RAMP3: variants seen among roughly 807,000 people sequenced by gnomAD.
RAMP3 encodes receptor activity modifying protein 3.
RAMP3 carries 14 observed loss-of-function variants against 13.5 expected under a neutral mutation model. That is an observed-to-expected ratio of 1.04 (90% confidence interval 0.69 to 1.63). RAMP3 has a LOEUF of 1.63. Ranked by LOEUF, RAMP3 falls within the 40% of genes most tolerant of loss-of-function variation. RAMP3 has a pLI of 0.00. For synonymous variants in RAMP3, 106 were observed against 88.3 expected (o/e 1.20, Z -1.12); for missense variants, 200 against 204.8 (o/e 0.98, Z 0.14).
chr7:45,179,939 C>A (rs1294933), intron 2 of RAMP3, among the ~76,000 whole-genome samples: 1 of 152,024 alleles, frequency 6.6e-6, no homozygotes, highest in Non-Finnish European at 1.5e-5. Flanking sequence ...GCTCCCCCAC[C>A]GCAGCCCTGG....
At chr7:45,163,792 C>T in intron 1 of RAMP3, 1 of 985,416 alleles carries the variant, frequency 1.0e-6, no homozygotes, top group Non-Finnish European at 1.2e-6. Flanking sequence ...TCTTCTGGCT[C>T]CGTGCCAGTG....
chr7:45,180,204 G>C (rs1786277181), intron 2 of RAMP3, among the ~76,000 whole-genome samples: 1 of 152,264 alleles, frequency 6.6e-6, no homozygotes, highest in South Asian at 2.1e-4. Context: ...GGAAGCCCCA[G>C]GGAGGGCGGT....
intron 2 of RAMP3, among the ~76,000 whole-genome samples, chr7:45,180,821 T>C (rs73115775): frequency 6.6e-6 from 1 of 152,196 alleles, no homozygotes; most frequent in Non-Finnish European, 1.5e-5. Flanking sequence ...GTGGTGCATC[T>C]TTTTTAGGGA....
intron 1 of RAMP3, among the ~76,000 whole-genome samples, chr7:45,160,237 C>T (rs1785837743): frequency 7.0e-6 from 1 of 142,674 alleles, no homozygotes. Context: ...GAGGCTGAGG[C>T]AGAGGAATCG....
intron 1 of RAMP3, among the ~76,000 whole-genome samples, chr7:45,165,022 T>A (rs1263931315): frequency 1.3e-5 from 2 of 152,226 alleles, no homozygotes; most frequent in African/African-American, 4.8e-5. Flanking sequence ...TCTTTTCTCC[T>A]TTTCTGCCTT....
intron 1 of RAMP3, among the ~76,000 whole-genome samples, chr7:45,167,693 G>T (rs1455883283): frequency 6.6e-6 from 1 of 151,678 alleles, no homozygotes; most frequent in Admixed American, 6.6e-5. Context: ...GCCTTGGGAA[G>T]CCTCTCCTGA....
At chr7:45,182,021 G>A (rs575761718) in intron 2 of RAMP3, among the ~76,000 whole-genome samples, 1 of 152,274 alleles carries the variant, frequency 6.6e-6, no homozygotes, top group East Asian at 1.9e-4. Flanking sequence ...GAGAACCCTG[G>A]GTGGAGTAGG....
At chr7:45,167,405 C>T (rs1255102600) in intron 1 of RAMP3, among the ~76,000 whole-genome samples, 1 of 152,068 alleles carries the variant, frequency 6.6e-6, no homozygotes, top group South Asian at 2.1e-4. Context: ...TGTAGAAAAT[C>T]AATTTATCAT....
At chr7:45,180,969 G>C (rs1314266213) in intron 2 of RAMP3, among the ~76,000 whole-genome samples, 2 of 152,226 alleles carry the variant, frequency 1.3e-5, no homozygotes, top group East Asian at 3.8e-4. Flanking sequence ...CAAAAATGCA[G>C]ATTTTGTGGA....
At chr7:45,174,018 C>T (rs1001714300) in intron 1 of RAMP3, among the ~76,000 whole-genome samples, 8 of 152,054 alleles carry the variant, frequency 5.3e-5, no homozygotes, top group African/African-American at 1.9e-4. Context: ...TGTGGATTTC[C>T]TCCTAGGGAG....
chr7:45,169,474 G>A (rs180769744), intron 1 of RAMP3, among the ~76,000 whole-genome samples: 1 of 152,134 alleles, frequency 6.6e-6, no homozygotes, highest in Non-Finnish European at 1.5e-5. Flanking sequence ...TTAGATTTTT[G>A]ATGTCTTCTT....
chr7:45,183,006 G>A (rs1786347613), intron 2 of RAMP3, 151 bp from the exon 3 acceptor site: 1 of 1,070,874 alleles, frequency 9.3e-7, no homozygotes, highest in African/African-American at 1.6e-5. Flanking sequence ...TGACCCTGTG[G>A]CCAGAATGGG....
At chr7:45,166,922 G>GT (rs1020869783) in intron 1 of RAMP3, among the ~76,000 whole-genome samples, 2 of 135,544 alleles carry the variant, frequency 1.5e-5, no homozygotes, top group African/African-American at 5.7e-5. Flanking sequence ...TAATCTAAGA[G>GT]TTTTATAATT....
At chr7:45,180,174 G>A (rs1205958845) in intron 2 of RAMP3, among the ~76,000 whole-genome samples, 2 of 152,262 alleles carry the variant, frequency 1.3e-5, no homozygotes, top group African/African-American at 4.8e-5. Context: ...GATTTGGGGA[G>A]CGGAGCCAAG....
At chr7:45,168,036 G>A (rs1786005471) in intron 1 of RAMP3, among the ~76,000 whole-genome samples, 1 of 152,188 alleles carries the variant, frequency 6.6e-6, no homozygotes, top group Non-Finnish European at 1.5e-5. Context: ...AGGTAGTACT[G>A]ACATCTTAAC....
At chr7:45,177,261 T>C in intron 1 of RAMP3, 48 bp from the exon 2 acceptor site, 1 of 1,611,218 alleles carries the variant, frequency 6.2e-7, no homozygotes, top group Non-Finnish European at 8.5e-7. Context: ...TGTCCTGGCA[T>C]CCCCAGTGTG....
At chr7:45,160,461 C>T (rs73692220) in intron 1 of RAMP3, among the ~76,000 whole-genome samples, 2,060 of 146,610 alleles carry the variant, frequency 0.014, 48 homozygotes, top group African/African-American at 0.049. Context: ...ATGCTCTTAC[C>T]TATTCTTCAT....
intron 2 of RAMP3, among the ~76,000 whole-genome samples, chr7:45,180,547 C>T (rs775384592): frequency 5.3e-5 from 8 of 152,248 alleles, no homozygotes; most frequent in Non-Finnish European, 8.8e-5. Flanking sequence ...GGAGGAGTCT[C>T]ATTGCCCCTC....
chr7:45,160,911 G>A (rs1785854704), intron 1 of RAMP3, among the ~76,000 whole-genome samples: 1 of 152,194 alleles, frequency 6.6e-6, no homozygotes, highest in African/African-American at 2.4e-5. Flanking sequence ...TTCTAACATT[G>A]GGTGGGTTGT....
Sources: gnomAD v4.1 joint callset for allele counts (sites outside exome capture counted in the v4.1 genomes callset) on GRCh38, gnomAD v4.1.1 for gene constraint, MANE v1.5 for transcripts, NCBI Gene and HGNC (gene_info 2026-07-23, HGNC 2026-07-21) for gene names.